CACNB4: variants seen among roughly 807,000 people sequenced by gnomAD.
CACNB4 encodes calcium voltage-gated channel auxiliary subunit beta 4, also known as voltage-dependent L-type calcium channel subunit beta-4.
A neutral mutation model predicts 71.2 loss-of-function variants in CACNB4; 32 were observed. That is an observed-to-expected ratio of 0.45 (90% CI 0.34 to 0.60). The LOEUF is 0.60. Ranked by LOEUF, CACNB4 falls within the 20% of genes least tolerant of loss-of-function variation. The pLI is 0.01. For missense variants in CACNB4, 464 were observed against 647.9 expected, an observed-to-expected ratio of 0.72 and a Z score of 3.08; for synonymous variants, 231 against 236.9, an observed-to-expected ratio of 0.97 and a Z score of 0.23.
At position 151,838,274 on chromosome 2, in the gene CACNB4, A is replaced by T. The variant is rs1434868575; in HGVS notation, c.*845T>A. On this transcript the variant is annotated 3_prime_UTR_variant, in exon 14 of 14. Transcript: ENST00000539935. ...CAACACCCCATTTTATATTTCACAT[A>T]ACCAGCTATGCTTGGGCCTCTCTTT... is the stretch of plus-strand genomic sequence containing the variant. 4 of 152,598 alleles carry T rather than the reference A, an allele frequency of 2.6e-5. No individual in the cohort carries two copies. The highest frequency in any genetic ancestry group is 4.4e-5 in the Non-Finnish European group (3 of 68,032). The allele number at this position is 152,598 out of a possible 1,614,324, so 9.5% of individuals were successfully genotyped here. A position where few individuals can be genotyped will look rare whatever the true frequency, so the allele number is the denominator to read the frequency against.
At chr2:151,975,904 C>T (rs1040343912) in intron 2 of CACNB4, among the ~76,000 whole-genome samples, 7 of 152,196 alleles carry the variant, frequency 4.6e-5, no homozygotes, top group Non-Finnish European at 1.0e-4. Flanking sequence ...GGGGAGAAGA[C>T]AGAGGCAGCC....
intron 2 of CACNB4, among the ~76,000 whole-genome samples, chr2:151,997,003 A>G (rs912487302): frequency 2.6e-5 from 4 of 152,216 alleles, no homozygotes; most frequent in Admixed American, 2.0e-4. Flanking sequence ...ATCACAGGGT[A>G]TAAGGGCCAA....
intron 2 of CACNB4, among the ~76,000 whole-genome samples, chr2:152,038,578 A>G (rs1273688390): frequency 6.6e-6 from 1 of 152,016 alleles, no homozygotes; most frequent in Non-Finnish European, 1.5e-5. Context: ...AAGGCCCACT[A>G]CTCTGCTGCA....
chr2:151,874,857 T>C (rs966260096), intron 5 of CACNB4: 1 of 396,642 alleles, frequency 2.5e-6, no homozygotes, highest in Non-Finnish European at 4.4e-6. Flanking sequence ...TCCTGGGACC[T>C]TTAAATACCT....
At chr2:151,922,454 C>T (rs1438220215) in intron 2 of CACNB4, among the ~76,000 whole-genome samples, 1 of 152,170 alleles carries the variant, frequency 6.6e-6, no homozygotes, top group African/African-American at 2.4e-5. Flanking sequence ...CCTGCTGGCT[C>T]CACCTCCCAA....
intron 2 of CACNB4, among the ~76,000 whole-genome samples, chr2:152,000,903 A>G (rs2151779098): frequency 6.6e-6 from 1 of 152,052 alleles, no homozygotes; most frequent in Middle Eastern, 3.4e-3. Flanking sequence ...TGGCTCTTCC[A>G]CCGTCACCGC....
At chr2:151,854,615 C>T (rs1011986068) in intron 11 of CACNB4, 1 of 152,076 alleles carries the variant, frequency 6.6e-6, no homozygotes, top group African/African-American at 2.4e-5. Flanking sequence ...GAAAGAACAC[C>T]CAAATCAAAA....
At position 151,946,252 on chromosome 2, in the gene CACNB4, C is replaced by G. The variant is rs978323261; in HGVS notation, c.148-62882G>C. On this transcript the variant is annotated intron_variant, in intron 2 of 13. Transcript: ENST00000539935. ...GCTGAGGCAGGAGAATCACTTGAAC[C>G]CGGGAGGTGGAGGTTGCAGTGAGCC... 1.7e-4 allele frequency among the ~76,000 whole-genome samples: 26 copies of G among 152,006 alleles called. No individual in the cohort carries two copies. In the Middle Eastern group the frequency reaches 0.01, roughly 60 times the overall value.
intron 2 of CACNB4, among the ~76,000 whole-genome samples, chr2:151,918,041 T>G (rs928158466): frequency 9.2e-5 from 14 of 151,536 alleles, no homozygotes; most frequent in African/African-American, 2.2e-4. Context: ...GAAACAAAAG[T>G]GAAAAAGGCT....
At chr2:151,873,821 G>A (rs2099845234) in intron 5 of CACNB4, 1 of 152,190 alleles carries the variant, frequency 6.6e-6, no homozygotes, top group South Asian at 2.1e-4. Context: ...TTGGATCTGT[G>A]TCCCCCGCAA....
chr2:152,025,747 A>G (rs1683927653), intron 2 of CACNB4, among the ~76,000 whole-genome samples: 1 of 152,210 alleles, frequency 6.6e-6, no homozygotes, highest in Admixed American at 6.5e-5. Flanking sequence ...GTGTATTTTA[A>G]AGGAATAGTG....
At chr2:152,082,362 G>C (rs546047017) in intron 2 of CACNB4, among the ~76,000 whole-genome samples, 18 of 152,306 alleles carry the variant, frequency 1.2e-4, no homozygotes, top group African/African-American at 4.3e-4. Context: ...GTTCATCTCA[G>C]CACTTAAGTG....
At chr2:151,918,054 G>C (rs561922030) in intron 2 of CACNB4, among the ~76,000 whole-genome samples, 23 of 152,268 alleles carry the variant, frequency 1.5e-4, no homozygotes, top group African/African-American at 5.5e-4. Flanking sequence ...AAAAGGCTGG[G>C]GGGGAAAAGG....
intron 2 of CACNB4, among the ~76,000 whole-genome samples, chr2:151,983,706 C>CACACACAT (rs879497687): frequency 5.3e-5 from 8 of 149,864 alleles, no homozygotes; most frequent in Admixed American, 1.3e-4. Context: ...CACACACACA[C>CACACACAT]ACACACAGGG....
At chr2:152,003,488 C>G (rs1682542830) in intron 2 of CACNB4, among the ~76,000 whole-genome samples, 1 of 151,730 alleles carries the variant, frequency 6.6e-6, no homozygotes, top group Admixed American at 6.6e-5. Flanking sequence ...ATAACTTACA[C>G]AGCCCCATTT....
intron 2 of CACNB4, among the ~76,000 whole-genome samples, chr2:151,931,691 T>C (rs759338056): frequency 6.6e-5 from 10 of 152,226 alleles, no homozygotes; most frequent in Admixed American, 6.5e-4. Flanking sequence ...TTCTAGATAT[T>C]CCTGTAACTG....
rs1000453230 is a variant in CACNB4, at chr2:151,832,824, T to C, written c.*6295A>G. Reference sequence around the variant, plus strand: ...AAAGAAAAAAAGTAATGCAGTTGTTTTGTACACATTTAAATTCCATAAAAC... The same window carrying C: ...AAAGAAAAAAAGTAATGCAGTTGTTCTGTACACATTTAAATTCCATAAAAC... On this transcript the variant is annotated 3_prime_UTR_variant, in exon 14 of 14. Coordinates refer to ENST00000539935, the MANE Select transcript of CACNB4 (RefSeq NM_000726.5). 2.0e-5 allele frequency: 3 copies of C among 152,192 alleles called. No homozygotes were observed. The highest frequency in any genetic ancestry group is 6.5e-5 in the Admixed American group (1 of 15,282). 9.4% of individuals were successfully genotyped at this position (152,192 alleles called of 1,614,324 possible).
At chr2:152,037,959 A>C (rs2105227974) in intron 2 of CACNB4, among the ~76,000 whole-genome samples, 1 of 152,334 alleles carries the variant, frequency 6.6e-6, no homozygotes, top group South Asian at 2.1e-4. Context: ...CAACAGCTGG[A>C]TGCAGAAGGG....
intron 2 of CACNB4, among the ~76,000 whole-genome samples, chr2:152,003,185 G>A (rs537782653): frequency 6.8e-4 from 103 of 152,262 alleles, no homozygotes; most frequent in Admixed American, 1.3e-3. Context: ...CCTCACACCT[G>A]TAATCCCAGC....
Sources: gnomAD v4.1 joint callset for allele counts (sites outside exome capture counted in the v4.1 genomes callset) on GRCh38, gnomAD v4.1.1 for gene constraint, MANE v1.5 for transcripts, NCBI Gene and HGNC (gene_info 2026-07-23, HGNC 2026-07-21) for gene names.